The following DNAH9 variants were observed in gnomAD, a reference collection of about 807,000 sequenced individuals.
The protein encoded by DNAH9 is dynein axonemal heavy chain 9, also known as DNAH9 variant protein.
In DNAH9, 345 loss-of-function variants were observed where a neutral mutation model predicts 471.6. The ratio of observed to expected loss-of-function variants is 0.73; its 90% CI spans 0.67 to 0.80. The LOEUF is 0.80. Among genes scored for constraint, DNAH9 ranks in the 30% least tolerant of loss-of-function variants. DNAH9 has a pLI of 0.00. For synonymous variants in DNAH9, 2,093 were observed against 2,123.6 expected (o/e 0.99, Z 0.40); for missense variants, 5,407 against 5,609.2 (o/e 0.96, Z 1.15).
chr17:11,654,959 G>A (rs922456963), intron 14 of DNAH9, among the ~76,000 whole-genome samples: 1 of 152,054 alleles, frequency 6.6e-6, no homozygotes, highest in Non-Finnish European at 1.5e-5. Flanking sequence ...ACAAAACTTA[G>A]TAATTAGGCC....
intron 59 of DNAH9, among the ~76,000 whole-genome samples, chr17:11,898,095 G>C (rs1973275845): frequency 6.6e-6 from 1 of 151,324 alleles, no homozygotes; most frequent in Non-Finnish European, 1.5e-5. Flanking sequence ...GTGTCCCTCT[G>C]CGAGTCTCTG....
intron 14 of DNAH9, among the ~76,000 whole-genome samples, chr17:11,653,873 T>A (rs2073565916): frequency 1.3e-5 from 2 of 152,136 alleles, no homozygotes. Context: ...GCCATCTGCT[T>A]TTCATTCGTC....
Position 11,617,493 on chromosome 17 carries a change from G to A in DNAH9, c.987G>A (p.Pro329=), listed in dbSNP as rs200590483. Residue 329 remains proline (P), a synonymous_variant, in exon 5 of 69, where the codon CCG becomes CCA. Coordinates refer to ENST00000262442, the MANE Select transcript of DNAH9 (RefSeq NM_001372.4). The part of the protein sequence containing the change: ...HLEALENAEF[P]EVKPQLRPLL... Reference sequence around the variant, plus strand: ...AAGCTCTGGAGAATGCAGAATTTCCGGAGGTGAAGCCCCAGCTGCGGCCCC... The same window carrying A: ...AAGCTCTGGAGAATGCAGAATTTCCAGAGGTGAAGCCCCAGCTGCGGCCCC... The A allele has an allele frequency of 6.6e-5, 107 of 1,613,994 alleles. No individual in the cohort carries two copies. Among genetic ancestry groups the A allele is most frequent in the East Asian group, 1.6e-4 (7 of 44,880 alleles).
chr17:11,599,136 G>A (rs1267206033), intron 1 of DNAH9, among the ~76,000 whole-genome samples: 5 of 152,066 alleles, frequency 3.3e-5, no homozygotes, highest in Non-Finnish European at 5.9e-5. Flanking sequence ...GGCGGAGTCG[G>A]GTGGGTCCGG....
At position 11,947,772 on chromosome 17, in the gene DNAH9, A is replaced by AATTTTTTTT. The variant is rs1555528615; in HGVS notation, c.12843+5287_12843+5288insATTTTTTTT. 3.7e-5 allele frequency among the ~76,000 whole-genome samples: 4 copies of AATTTTTTTT among 108,344 alleles called. 1 individual carries two copies. The highest frequency in any genetic ancestry group is 3.6e-5 in the Non-Finnish European group (2 of 56,146). 71.1% of individuals were successfully genotyped at this position (108,344 alleles called of 152,430 possible). ...CAGAATCTGGGAGGGGCTGGGAACT[A>AATTTTTTTT]TTTTTTTTTTTTTTTTTTTTTTTTT... On this transcript the variant is annotated intron_variant, in intron 67 of 68. Coordinates refer to ENST00000262442, the MANE Select transcript of DNAH9 (RefSeq NM_001372.4).
chr17:11,721,156 T>C (rs1156526938), intron 27 of DNAH9, among the ~76,000 whole-genome samples: 1 of 152,116 alleles, frequency 6.6e-6, no homozygotes, highest in Non-Finnish European at 1.5e-5. Context: ...TGGCTAGGGG[T>C]CACTATGGCC....
intron 19 of DNAH9, among the ~76,000 whole-genome samples, chr17:11,683,164 CTCTT>C (rs1331220648): frequency 6.6e-6 from 1 of 152,120 alleles, no homozygotes; most frequent in Non-Finnish European, 1.5e-5. Context: ...AACAGTCTCT[CTCTT>C]TTTGTTTTGT....
chr17:11,817,313 GTCT>G (rs1567822863), intron 45 of DNAH9, among the ~76,000 whole-genome samples: 1 of 152,134 alleles, frequency 6.6e-6, no homozygotes, highest in African/African-American at 2.4e-5. Context: ...CCATCCGATG[GTCT>G]TCTTCTTAAA....
At chr17:11,729,644 C>T (rs538488338) in intron 28 of DNAH9, among the ~76,000 whole-genome samples, 3 of 151,090 alleles carry the variant, frequency 2.0e-5, no homozygotes, top group Non-Finnish European at 2.9e-5. Context: ...GGCAAGAGTG[C>T]GGGATTGAGG....
chr17:11,752,006 A>G (rs1293082355), intron 32 of DNAH9, among the ~76,000 whole-genome samples: 4 of 152,196 alleles, frequency 2.6e-5, no homozygotes, highest in Non-Finnish European at 5.9e-5. Context: ...GTAGCAATAA[A>G]AATCATGAGA....
intron 28 of DNAH9, 60 bp from the exon 29 acceptor site, chr17:11,738,820 T>C: frequency 6.7e-7 from 1 of 1,490,680 alleles, no homozygotes; most frequent in East Asian, 2.3e-5. Flanking sequence ...CCAGCTTTAG[T>C]TATGATCCCT....
intron 14 of DNAH9, among the ~76,000 whole-genome samples, chr17:11,653,796 A>C (rs1191512684): frequency 6.6e-6 from 1 of 152,132 alleles, no homozygotes; most frequent in East Asian, 1.9e-4. Context: ...AGAGTCCCTC[A>C]AGTTGATTTA....
At chr17:11,876,917 C>T (rs887212773) in intron 53 of DNAH9, among the ~76,000 whole-genome samples, 2 of 151,498 alleles carry the variant, frequency 1.3e-5, no homozygotes, top group Admixed American at 1.3e-4. Flanking sequence ...TAGTAGAGAC[C>T]GGGTTTCACT....
chr17:11,802,805 A>G (rs1969517398), intron 43 of DNAH9, among the ~76,000 whole-genome samples: 1 of 152,124 alleles, frequency 6.6e-6, no homozygotes, highest in South Asian at 2.1e-4. Flanking sequence ...AGCTCGCATC[A>G]TCTTTCTTTT....
intron 14 of DNAH9, among the ~76,000 whole-genome samples, chr17:11,656,878 C>A (rs188511343): frequency 2.0e-5 from 3 of 152,156 alleles, no homozygotes; most frequent in African/African-American, 7.2e-5. Context: ...AAAACTTAGC[C>A]TAGTGTTATT....
chr17:11,712,879 A>T (rs1463554694), intron 26 of DNAH9, among the ~76,000 whole-genome samples: 1 of 151,192 alleles, frequency 6.6e-6, no homozygotes, highest in African/African-American at 2.5e-5. Flanking sequence ...AAAAGCTTTA[A>T]GAAAAAAAAT....
At position 11,793,675 on chromosome 17, in the gene DNAH9, C is replaced by T. The variant is rs1484155453; in HGVS notation, c.8223+11C>T. On this transcript the variant is annotated intron_variant, in intron 42 of 68. Transcript: ENST00000262442. ...AAGAAAACTTTTGATGTGAGTATTG[C>T]CCTATGGATTTTCTTTGTATTTGAA... 6.4e-7 allele frequency: 1 copy of T among 1,569,446 alleles called. No homozygotes were observed. The highest frequency in any genetic ancestry group is 1.4e-5 in the African/African-American group (1 of 72,048).
At position 11,611,687 on chromosome 17, in the gene DNAH9, A is replaced by G; in HGVS notation, c.811A>G (p.Thr271Ala). 1 of 1,614,052 alleles carries G rather than the reference A, an allele frequency of 6.2e-7. No homozygotes were observed. The highest frequency in any genetic ancestry group is 8.5e-7 in the Non-Finnish European group (1 of 1,179,850). ...DLKYIYNQLR[T>A]ITVRGMAKLL... ...GAAATACATCTATAATCAACTGAGA[A>G]CAATAACGGTGAGGGGCATGGCCAA... Residue 271 changes from threonine (T) to alanine (A), a missense_variant, in exon 4 of 69, where the codon ACA becomes GCA. Thr to Ala is a moderately conservative substitution (Grantham distance 58). Coordinates refer to ENST00000262442, the MANE Select transcript of DNAH9 (RefSeq NM_001372.4).
chr17:11,721,166 C>T (rs1180847138), intron 27 of DNAH9, among the ~76,000 whole-genome samples: 1 of 152,088 alleles, frequency 6.6e-6, no homozygotes, highest in Non-Finnish European at 1.5e-5. Flanking sequence ...TCACTATGGC[C>T]ATTTTACTCA....
Sources: allele counts gnomAD v4.1 joint callset (sites outside exome capture counted in the v4.1 genomes callset), GRCh38; gene constraint gnomAD v4.1.1; transcripts MANE v1.5; gene names NCBI Gene and HGNC (gene_info 2026-07-23, HGNC 2026-07-21).